TMEM132B: variants seen among roughly 807,000 people sequenced by gnomAD.
The protein encoded by TMEM132B is transmembrane protein 132B.
In TMEM132B, 18 loss-of-function variants were observed where a neutral mutation model predicts 90.8. The observed-to-expected ratio is 0.20, with a 90% CI of 0.14 to 0.29. The LOEUF is 0.29. Ranked by LOEUF, TMEM132B falls within the 10% of genes least tolerant of loss-of-function variation. The pLI, the probability that TMEM132B is intolerant of heterozygous loss-of-function variation, is 1.00. For missense variants in TMEM132B, 1,096 were observed against 1,326.8 expected (o/e 0.83, Z 2.70); for synonymous variants, 504 against 523.3 (o/e 0.96, Z 0.50).
chr12:125,497,185 G>A (rs990625043), intron 3 of TMEM132B, among the ~76,000 whole-genome samples: 3 of 152,182 alleles, frequency 2.0e-5, no homozygotes, highest in South Asian at 2.1e-4. Context: ...GTTGACCTAC[G>A]TGGAAGCACT....
intron 3 of TMEM132B, among the ~76,000 whole-genome samples, chr12:125,431,405 C>T (rs1029510549): frequency 8.5e-5 from 13 of 152,198 alleles, no homozygotes; most frequent in South Asian, 2.1e-4. Flanking sequence ...AACTCTACTT[C>T]GGTGGAAAGA....
At chr12:125,264,985 A>G (rs188998436) in intron 1 of TMEM132B, among the ~76,000 whole-genome samples, 37 of 152,348 alleles carry the variant, frequency 2.4e-4, no homozygotes, top group Non-Finnish European at 4.9e-4. Flanking sequence ...TGCGAACATC[A>G]CAAAGTATAT....
At chr12:125,343,255 G>A (rs1450825846) in intron 1 of TMEM132B, among the ~76,000 whole-genome samples, 2 of 152,146 alleles carry the variant, frequency 1.3e-5, no homozygotes, top group African/African-American at 4.8e-5. Context: ...TGTCTTAAAG[G>A]TAGGGATCAC....
chr12:125,428,962 C>T (rs1336941261), intron 3 of TMEM132B, among the ~76,000 whole-genome samples: 1 of 152,176 alleles, frequency 6.6e-6, no homozygotes, highest in Admixed American at 6.5e-5. Context: ...TGTCTTATCA[C>T]ATGATCCTCT....
rs577111835 is a variant in TMEM132B at position 125,305,168 on chromosome 12, A to C, written c.68-44284A>C. On this transcript the variant is annotated intron_variant, in intron 1 of 8. Coordinates refer to ENST00000682704, the MANE Select transcript of TMEM132B (RefSeq NM_001366854.1). ...TTGCCTTCTTTTCAACCCGTCTCCT[A>C]CAACTTCTTCAGGAGTGCCATCATG... Among the ~76,000 whole-genome samples, 6 of 152,104 alleles carry C rather than the reference A, an allele frequency of 3.9e-5. No individual in the cohort carries two copies. The East Asian group carries it at 1.2e-3, about 29-fold the overall frequency.
At chr12:125,430,915 G>A (rs1880481297) in intron 3 of TMEM132B, among the ~76,000 whole-genome samples, 1 of 152,178 alleles carries the variant, frequency 6.6e-6, no homozygotes, top group South Asian at 2.1e-4. Context: ...GACGAGCAGA[G>A]CCCTGAAGGG....
chr12:125,387,559 G>A (rs1024552393), intron 2 of TMEM132B, among the ~76,000 whole-genome samples: 2 of 152,206 alleles, frequency 1.3e-5, no homozygotes, highest in African/African-American at 2.4e-5. Flanking sequence ...AGGTTGAAAA[G>A]CTATTGTGGA....
At chr12:125,283,154 A>G (rs1474710953) in intron 1 of TMEM132B, among the ~76,000 whole-genome samples, 1 of 152,074 alleles carries the variant, frequency 6.6e-6, no homozygotes. Context: ...GTCCCAGGGG[A>G]CTTGCCAATT....
chr12:125,461,120 T>A (rs1165747294), intron 3 of TMEM132B, among the ~76,000 whole-genome samples: 4 of 152,152 alleles, frequency 2.6e-5, no homozygotes, highest in Non-Finnish European at 5.9e-5. Context: ...AAAGTTAGAT[T>A]GGAATACTCA....
intron 1 of TMEM132B, among the ~76,000 whole-genome samples, chr12:125,304,461 G>A (rs1175036791): frequency 1.3e-5 from 2 of 151,946 alleles, no homozygotes; most frequent in African/African-American, 2.4e-5. Flanking sequence ...CATGGATTTT[G>A]CAATGACTTC....
intron 1 of TMEM132B, chr12:125,326,578 A>G (rs1367481169): frequency 2.5e-6 from 4 of 1,586,014 alleles, no homozygotes; most frequent in African/African-American, 2.7e-5. Flanking sequence ...TGTTGAATAA[A>G]GCTGAAGATT....
At chr12:125,262,468 A>G (rs141824312) in intron 1 of TMEM132B, among the ~76,000 whole-genome samples, 67 of 152,300 alleles carry the variant, frequency 4.4e-4, no homozygotes, top group African/African-American at 1.4e-3. Flanking sequence ...CACTGGCAAC[A>G]TTGGCTGTGC....
In TMEM132B at chr12:125,651,358, A is replaced by T. The variant is rs146309692; in HGVS notation, c.1914+405A>T. ...TGAATTTTAACCTTTTAGTTGTATCATACCTTGTACAGTAGACAAAAGTTT... is the reference window on the plus strand; with the variant it reads ...TGAATTTTAACCTTTTAGTTGTATCTTACCTTGTACAGTAGACAAAAGTTT... On this transcript the variant is annotated intron_variant, in intron 7 of 8. Coordinates refer to ENST00000682704, the MANE Select transcript of TMEM132B (RefSeq NM_001366854.1). Among the ~76,000 whole-genome samples the T allele has an allele frequency of 5.7e-3, 864 of 152,336 alleles. 7 individuals carry two copies. The highest frequency in any genetic ancestry group is 9.1e-3 in the Non-Finnish European group (619 of 68,040).
At chr12:125,356,908 T>A (rs577886304) in intron 2 of TMEM132B, among the ~76,000 whole-genome samples, 2 of 152,360 alleles carry the variant, frequency 1.3e-5, no homozygotes, top group East Asian at 3.9e-4. Context: ...CTGTCCTGAT[T>A]TTTTGACCTA....
rs532066478 is a variant in TMEM132B at position 125,311,722 on chromosome 12, C to A, written c.68-37730C>A. Among the ~76,000 whole-genome samples the A allele has an allele frequency of 2.4e-4, 37 of 152,296 alleles. No individual in the cohort carries two copies. The South Asian group carries it at 7.7e-3, about 32-fold the overall frequency. ...ACTATGCCTCTGCACAGAACCCCAACCAAACAGGGCAGACAGCGGGCAGGC... is the reference window on the plus strand; with the variant it reads ...ACTATGCCTCTGCACAGAACCCCAAACAAACAGGGCAGACAGCGGGCAGGC... On this transcript the variant is annotated intron_variant, in intron 1 of 8. Coordinates refer to ENST00000682704, the MANE Select transcript of TMEM132B (RefSeq NM_001366854.1).
In TMEM132B at chr12:125,213,782, C is replaced by A. The variant is rs1288654868; in HGVS notation, c.67+26916C>A. Among the ~76,000 whole-genome samples, 4 of 152,242 alleles carry A rather than the reference C, an allele frequency of 2.6e-5. No individual in the cohort carries two copies. The highest frequency in any genetic ancestry group is 5.9e-5 in the Non-Finnish European group (4 of 68,040). On this transcript the variant is annotated intron_variant, in intron 1 of 8. Coordinates refer to ENST00000682704, the MANE Select transcript of TMEM132B (RefSeq NM_001366854.1). The surrounding 1 kb of genome is among the most constrained non-coding windows in gnomAD (Gnocchi z 4.2). ...CATGACTACCTTGCTTATTCATCCA[C>A]CTGTACTCCTAGCATCAAGGGAGGT...
At chr12:125,222,571 T>C (rs1181353620) in intron 1 of TMEM132B, among the ~76,000 whole-genome samples, 1 of 152,236 alleles carries the variant, frequency 6.6e-6, no homozygotes, top group African/African-American at 2.4e-5. Flanking sequence ...GCCTGGGAAT[T>C]AAATGTCCAA....
chr12:125,595,256 C>T (rs1280054803), intron 5 of TMEM132B, among the ~76,000 whole-genome samples: 1 of 152,180 alleles, frequency 6.6e-6, no homozygotes, highest in Non-Finnish European at 1.5e-5. Context: ...TAGCACTGCA[C>T]CTGGCATGAG....
chr12:125,309,634 G>A (rs540651513), intron 1 of TMEM132B, among the ~76,000 whole-genome samples: 1 of 152,250 alleles, frequency 6.6e-6, no homozygotes, highest in Admixed American at 6.5e-5. Context: ...GTTCATCACT[G>A]AAGAGCTAAC....
Sources: gnomAD v4.1 joint callset for allele counts (sites outside exome capture counted in the v4.1 genomes callset) on GRCh38, gnomAD v4.1.1 for gene constraint, Gnocchi (gnomAD v3.1) non-coding constraint, MANE v1.5 for transcripts, NCBI Gene and HGNC (gene_info 2026-07-23, HGNC 2026-07-21) for gene names.